CDH10: variants seen among roughly 807,000 people sequenced by gnomAD.
CDH10 encodes cadherin 10.
A neutral mutation model predicts 73.1 loss-of-function variants in CDH10; 30 were observed. That is an observed-to-expected ratio of 0.41 (90% CI 0.31 to 0.56). The LOEUF (loss-of-function observed/expected upper bound fraction) is 0.56, where lower values mean the gene tolerates loss of function less well. Among genes scored for constraint, CDH10 ranks in the 20% least tolerant of loss-of-function variants. The probability of loss-of-function intolerance (pLI) is 0.27; values close to 1 mark genes in which losing one functional copy is unlikely to be tolerated. For missense variants in CDH10, 815 were observed against 973.7 expected (o/e 0.84, Z 2.17); for synonymous variants, 345 against 348.2 (o/e 0.99, Z 0.10).
At chr5:24,565,857 T>C (rs7702460) in intron 2 of CDH10, among the ~76,000 whole-genome samples, 148,940 of 152,118 alleles carry the variant, frequency 0.98, 72,990 homozygotes, top group East Asian at 1. Flanking sequence ...GAAGACAGCA[T>C]TCATCAAAAA....
intron 5 of CDH10, among the ~76,000 whole-genome samples, chr5:24,516,790 A>AT (rs1466152905): frequency 2.6e-5 from 4 of 151,684 alleles, no homozygotes; most frequent in African/African-American, 9.7e-5. Context: ...TTCATCTTAT[A>AT]TTTTTTGCGC....
chr5:24,586,273 G>T (rs995905409), intron 2 of CDH10, among the ~76,000 whole-genome samples: 1 of 152,026 alleles, frequency 6.6e-6, no homozygotes, highest in Admixed American at 6.5e-5. Flanking sequence ...AGATAATTTT[G>T]CTAAAGGGGG....
In CDH10 at chr5:24,535,245, T is replaced by C. The variant is rs1413323895; in HGVS notation, c.681A>G (p.Arg227=). The change falls in exon 5 of 12, where the codon AGA becomes AGG. Residue 227 remains arginine, a synonymous_variant. Transcript: ENST00000264463. Reference sequence around the variant, plus strand: ...CCACTTGGTATTGCTCTCTGTTTTCTCTGTTCATGTTCGGTAAAGCAGTCC... The same window carrying C: ...CCACTTGGTATTGCTCTCTGTTTTCCCTGTTCATGTTCGGTAAAGCAGTCC... ...IIRTALPNMN[R]ENREQYQVVI... The C allele has an allele frequency of 1.2e-6, 2 of 1,613,244 alleles. No homozygotes were observed. The highest frequency in any genetic ancestry group is 1.7e-5 in the Admixed American group (1 of 59,870).
rs774418544 is a variant in CDH10 at position 24,537,363 on chromosome 5, G to A, written c.526+17C>T. 10 of 1,551,920 alleles carry A rather than the reference G, an allele frequency of 6.4e-6. No individual in the cohort carries two copies. The highest frequency in any genetic ancestry group is 1.8e-5 in the Admixed American group (1 of 54,136). On this transcript the variant is annotated intron_variant, in intron 3 of 11. Transcript: ENST00000264463. ...ACACTTTTTGAATACCATCATAAAC[G>A]CTGTAAATGAACTTACCTACAACAG... is the stretch of plus-strand genomic sequence containing the variant.
intron 2 of CDH10, among the ~76,000 whole-genome samples, chr5:24,570,896 A>G (rs186392438): frequency 6.6e-6 from 1 of 152,122 alleles, no homozygotes; most frequent in African/African-American, 2.4e-5. Flanking sequence ...ACCCGGCTAG[A>G]CTCACTTCAG....
At chr5:24,522,873 G>C (rs1440094233) in intron 5 of CDH10, among the ~76,000 whole-genome samples, 3 of 151,992 alleles carry the variant, frequency 2.0e-5, no homozygotes, top group African/African-American at 7.2e-5. Context: ...TAACAGTATA[G>C]CATTTTTGAA....
At chr5:24,495,950 A>G (rs1023079244) in intron 9 of CDH10, among the ~76,000 whole-genome samples, 7 of 151,910 alleles carry the variant, frequency 4.6e-5, no homozygotes, top group Non-Finnish European at 8.8e-5. Context: ...ATTGATTTCT[A>G]TTTTCACTGG....
chr5:24,500,530 G>A (rs1006796090), intron 8 of CDH10, among the ~76,000 whole-genome samples: 1 of 152,188 alleles, frequency 6.6e-6, no homozygotes, highest in Non-Finnish European at 1.5e-5. Context: ...AGGCCCTGGG[G>A]TCTAACATAG....
chr5:24,631,184 C>T (rs934564248), intron 1 of CDH10, among the ~76,000 whole-genome samples: 3 of 152,136 alleles, frequency 2.0e-5, no homozygotes, highest in Non-Finnish European at 4.4e-5. Context: ...AGGTTAATCT[C>T]ATCCCTGAAG....
At chr5:24,574,887 T>C (rs921122840) in intron 2 of CDH10, among the ~76,000 whole-genome samples, 9 of 150,898 alleles carry the variant, frequency 6.0e-5, no homozygotes, top group African/African-American at 1.7e-4. Flanking sequence ...AGAAAACAAA[T>C]AGATTATAAA....
chr5:24,577,556 T>A (rs1376681146), intron 2 of CDH10, among the ~76,000 whole-genome samples: 1 of 152,140 alleles, frequency 6.6e-6, no homozygotes, highest in Non-Finnish European at 1.5e-5. Context: ...TTAACGTTTC[T>A]CTTTCACTAC....
At chr5:24,553,945 G>GTTGTCTA (rs55975665) in intron 2 of CDH10, 3 of 151,570 alleles carry the variant, frequency 2.0e-5, no homozygotes, top group Admixed American at 6.6e-5. Context: ...CCAGTTGTCT[G>GTTGTCTA]GCTGCTACCA....
rs79811356 is a variant in CDH10, at chr5:24,626,490, A to G, written c.-124+18104T>C. On this transcript the variant is annotated intron_variant, in intron 1 of 11. Coordinates refer to ENST00000264463, the MANE Select transcript of CDH10 (RefSeq NM_006727.5). The stretch of plus-strand genomic sequence containing the variant: ...AGAAGAGTTACCCACGTTAAGCATG[A>G]TTATATTAAACACATTCATAGTATC... Among the ~76,000 whole-genome samples, 1,187 of 152,234 alleles carry G rather than the reference A, an allele frequency of 7.8e-3. 13 individuals are homozygous for G. Among genetic ancestry groups the G allele is most frequent in the African/African-American group, 0.027 (1,133 of 41,558 alleles).
At chr5:24,630,354 C>T (rs1747662560) in intron 1 of CDH10, among the ~76,000 whole-genome samples, 1 of 151,962 alleles carries the variant, frequency 6.6e-6, no homozygotes, top group Admixed American at 6.6e-5. Context: ...GAGTTTGAGA[C>T]CAGCCTGGCC....
At chr5:24,579,761 C>A (rs12659268) in intron 2 of CDH10, among the ~76,000 whole-genome samples, 35,324 of 151,578 alleles carry the variant, frequency 0.23, 4,373 homozygotes, top group Admixed American at 0.29. Flanking sequence ...GTTTTTTCTT[C>A]TCTCTCTCTC....
chr5:24,612,075 G>C (rs1746967846), intron 1 of CDH10: 1 of 152,106 alleles, frequency 6.6e-6, no homozygotes, highest in Admixed American at 6.6e-5. Context: ...GTGAGATAAT[G>C]GATGTAGGTT....
intron 1 of CDH10, among the ~76,000 whole-genome samples, chr5:24,624,755 TG>T (rs1250061753): frequency 6.6e-6 from 1 of 152,190 alleles, no homozygotes; most frequent in Non-Finnish European, 1.5e-5. Flanking sequence ...AAGGCAAGTC[TG>T]GAATCCATAT....
chr5:24,625,065 A>C, intron 1 of CDH10, among the ~76,000 whole-genome samples: 1 of 152,166 alleles, frequency 6.6e-6, no homozygotes, highest in East Asian at 1.9e-4. Flanking sequence ...GAAGTTTAAA[A>C]GAGATAAATA....
At chr5:24,563,595 T>TATAAAAAA (rs1267665246) in intron 2 of CDH10, among the ~76,000 whole-genome samples, 1 of 12,366 alleles carries the variant, frequency 8.1e-5, no homozygotes, top group African/African-American at 2.9e-4. Flanking sequence ...CTACTAAAAA[T>TATAAAAAA]ACAAAAAAAA....
Sources: gnomAD v4.1 joint callset for allele counts (sites outside exome capture counted in the v4.1 genomes callset) on GRCh38, gnomAD v4.1.1 for gene constraint, MANE v1.5 for transcripts, NCBI Gene and HGNC (gene_info 2026-07-23, HGNC 2026-07-21) for gene names.